CDC42BPB: variants seen among roughly 807,000 people sequenced by gnomAD.
CDC42BPB encodes the protein CDC42 binding protein kinase beta.
Under a neutral mutation model 214.9 loss-of-function variants are expected in CDC42BPB, and 37 were observed. That is an observed-to-expected ratio of 0.17 (90% CI 0.13 to 0.23). CDC42BPB has a LOEUF of 0.23. CDC42BPB is among the 10% of genes least tolerant of loss of function. The pLI, the probability that CDC42BPB is intolerant of heterozygous loss-of-function variation, is 1.00. For synonymous variants in CDC42BPB, 931 were observed against 884.0 expected, an observed-to-expected ratio of 1.05 and a Z score of -0.94; for missense variants, 1,694 against 2,227.0, an observed-to-expected ratio of 0.76 and a Z score of 4.82.
At chr14:102,986,825 C>T in intron 5 of CDC42BPB, 1 of 676,998 alleles carries the variant, frequency 1.5e-6, no homozygotes, top group South Asian at 6.6e-5. Context: ...TACTCGTCTG[C>T]CCACCCAGCT....
intron 1 of CDC42BPB, among the ~76,000 whole-genome samples, chr14:103,045,260 A>C (rs1351050992): frequency 6.6e-6 from 1 of 152,150 alleles, no homozygotes; most frequent in Non-Finnish European, 1.5e-5. Flanking sequence ...TTAGAGAATG[A>C]TGAGGGGCAA....
intron 1 of CDC42BPB, among the ~76,000 whole-genome samples, chr14:103,029,254 G>C (rs1157883024): frequency 3.3e-5 from 5 of 152,226 alleles, no homozygotes; most frequent in Non-Finnish European, 2.9e-5. Flanking sequence ...CACCAGAGAA[G>C]TGAGGCTAAA....
intron 23 of CDC42BPB, chr14:102,952,832 A>G: frequency 1.5e-6 from 1 of 657,864 alleles, no homozygotes; most frequent in Non-Finnish European, 1.9e-6. Flanking sequence ...CTTCAGTGGG[A>G]GAGCACTGCT....
intron 11 of CDC42BPB, chr14:102,974,427 A>G: frequency 1.1e-6 from 1 of 925,694 alleles, no homozygotes; most frequent in South Asian, 5.0e-5. Flanking sequence ...TGGGTGGCGC[A>G]CACACTCGTC....
At chr14:103,037,318 C>A (rs981244960) in intron 1 of CDC42BPB, among the ~76,000 whole-genome samples, 4 of 151,374 alleles carry the variant, frequency 2.6e-5, no homozygotes, top group Admixed American at 1.3e-4. Flanking sequence ...TTTTTGACAG[C>A]GTCTCACTGT....
intron 8 of CDC42BPB, among the ~76,000 whole-genome samples, chr14:102,978,651 T>C (rs1373317774): frequency 1.3e-5 from 2 of 152,136 alleles, no homozygotes; most frequent in South Asian, 2.1e-4. Flanking sequence ...CAAAGGTAGA[T>C]TATTTTAGAT....
chr14:102,974,509 G>C (rs1465438293), intron 11 of CDC42BPB, among the ~76,000 whole-genome samples: 1 of 152,198 alleles, frequency 6.6e-6, no homozygotes, highest in East Asian at 1.9e-4. Flanking sequence ...TGCAAGAAAA[G>C]TTTTAGTTAG....
At chr14:102,954,852 C>T in intron 21 of CDC42BPB, 164 bp from the exon 22 acceptor site, 4 of 983,672 alleles carry the variant, frequency 4.1e-6, no homozygotes, top group African/African-American at 1.7e-5. Context: ...CTCACAGACC[C>T]CTGCTCCACT....
intron 1 of CDC42BPB, 95 bp from the exon 2 acceptor site, chr14:103,012,283 T>TA: frequency 6.8e-7 from 1 of 1,476,236 alleles, no homozygotes; most frequent in Non-Finnish European, 9.0e-7. Context: ...GTTATACTTT[T>TA]AAAAAAGTTT....
At chr14:103,033,935 C>A (rs1019127511) in intron 1 of CDC42BPB, among the ~76,000 whole-genome samples, 1 of 152,172 alleles carries the variant, frequency 6.6e-6, no homozygotes, top group Non-Finnish European at 1.5e-5. Context: ...TTATTGCTGG[C>A]ATTCCTTCTG....
intron 5 of CDC42BPB, among the ~76,000 whole-genome samples, chr14:102,997,086 G>A (rs1043699108): frequency 1.3e-5 from 2 of 152,030 alleles, no homozygotes; most frequent in Admixed American, 1.3e-4. Flanking sequence ...ACTCAGCAGC[G>A]CCCTTGCTCC....
chr14:102,943,631 G>A lies in CDC42BPB; in HGVS notation c.4408+260C>T, dbSNP rs898352374. ...TGCCCAGGGGCCTATGCCCGCCGACGGGGTCCTCTGCTGAGGCCTCTGGAA... is the reference window on the plus strand; with the variant it reads ...TGCCCAGGGGCCTATGCCCGCCGACAGGGTCCTCTGCTGAGGCCTCTGGAA... On this transcript the variant is annotated intron_variant, in intron 30 of 36. Coordinates refer to ENST00000361246, the MANE Select transcript of CDC42BPB (RefSeq NM_006035.4). This position sits in a 1 kb window ranked among gnomAD's most constrained non-coding sequence, Gnocchi z 4.6. Among the ~76,000 whole-genome samples, 1 of 152,144 alleles carries A rather than the reference G, an allele frequency of 6.6e-6. No individual in the cohort carries two copies. Among genetic ancestry groups the A allele is most frequent in the African/African-American group, 2.4e-5 (1 of 41,440 alleles).
intron 23 of CDC42BPB, among the ~76,000 whole-genome samples, chr14:102,952,926 G>A (rs1892552597): frequency 6.6e-6 from 1 of 152,228 alleles, no homozygotes; most frequent in Non-Finnish European, 1.5e-5. Context: ...GCCTCCTGGA[G>A]ACCAGCACCA....
At position 102,944,042 on chromosome 14, in the gene CDC42BPB, G is replaced by A. The variant is rs760541840; in HGVS notation, c.4257C>T (p.Leu1419=). 7.4e-6 allele frequency: 12 copies of A among 1,613,592 alleles called. No homozygotes were observed. The South Asian group carries it at 1.2e-4, about 16-fold the overall frequency. The change falls in exon 30 of 37, where the codon CTC becomes CTT. Residue 1419 remains leucine, a synonymous_variant. Transcript: ENST00000361246. The surrounding 1 kb of genome is among the most constrained non-coding windows in gnomAD (Gnocchi z 6.6). ...AAAGGGCATCAAAAGACTGTTGTGA[G>A]AGGAACGCAAGCGAGGGGTCATTGG... ...VNPNDPSLAF[L]SQQSFDALCA...
intron 1 of CDC42BPB, 105 bp from the exon 2 acceptor site, chr14:103,012,293 TG>T: frequency 2.7e-6 from 4 of 1,471,526 alleles, no homozygotes; most frequent in Non-Finnish European, 3.6e-6. Context: ...TAAAAAAGTT[TG>T]TTTGAAAATA....
At position 102,966,384 on chromosome 14, in the gene CDC42BPB, G is replaced by T. The variant is rs1893201942; in HGVS notation, c.2475C>A (p.Val825=). 1 of 1,613,468 alleles carries T rather than the reference G, an allele frequency of 6.2e-7. No individual in the cohort carries two copies. Among genetic ancestry groups the T allele is most frequent in the South Asian group, 1.1e-5 (1 of 91,026 alleles). The change falls in exon 18 of 37, where the codon GTC becomes GTA. Residue 825 remains valine (V), a synonymous_variant. Transcript: ENST00000361246. ...EAQIAEIIQW[V]SDEKDARGYL... Reference sequence around the variant, plus strand: ...AACCCCGGGCATCTTTCTCGTCACTGACCCTGGAGGAGGGAACAGATGTTC... The same window carrying T: ...AACCCCGGGCATCTTTCTCGTCACTTACCCTGGAGGAGGGAACAGATGTTC...
chr14:103,012,039 G>A (rs1886187594), intron 2 of CDC42BPB, 58 bp downstream of exon 2: 6 of 1,061,362 alleles, frequency 5.7e-6, no homozygotes, highest in Non-Finnish European at 5.9e-6. Context: ...AAGGTGAAAT[G>A]GAAGCTGCTG....
chr14:103,013,493 G>A (rs889463135), intron 1 of CDC42BPB, among the ~76,000 whole-genome samples: 4 of 152,236 alleles, frequency 2.6e-5, no homozygotes, highest in Admixed American at 6.5e-5. Flanking sequence ...CAAAACTCAT[G>A]TCTGCTCAGA....
intron 5 of CDC42BPB, among the ~76,000 whole-genome samples, chr14:102,996,674 T>C (rs1044537789): frequency 6.6e-6 from 1 of 151,788 alleles, no homozygotes; most frequent in Non-Finnish European, 1.5e-5. Flanking sequence ...TAGTTGGGTG[T>C]GATGGTGCAT....
Sources: gnomAD v4.1 joint callset for allele counts (sites outside exome capture counted in the v4.1 genomes callset) on GRCh38, gnomAD v4.1.1 for gene constraint, Gnocchi (gnomAD v3.1) non-coding constraint, MANE v1.5 for transcripts, NCBI Gene and HGNC (gene_info 2026-07-23, HGNC 2026-07-21) for gene names.